SIDT1: variants seen among roughly 807,000 people sequenced by gnomAD.
SIDT1 encodes SID1 transmembrane family, member 1.
SIDT1 carries 101 observed loss-of-function variants against 107.5 expected under a neutral mutation model. The ratio of observed to expected loss-of-function variants is 0.94; its 90% CI spans 0.80 to 1.11. The LOEUF is 1.11. Among genes scored for constraint, SIDT1 ranks in the 50% least tolerant of loss-of-function variants. The pLI, the probability that SIDT1 is intolerant of heterozygous loss-of-function variation, is 0.00. For synonymous variants in SIDT1, 395 were observed against 398.2 expected, an observed-to-expected ratio of 0.99 and a Z score of 0.10; for missense variants, 1,076 against 1,058.2, an observed-to-expected ratio of 1.02 and a Z score of -0.23.
chr3:113,539,483 C>G (rs1027666914), intron 1 of SIDT1, among the ~76,000 whole-genome samples: 2 of 151,258 alleles, frequency 1.3e-5, no homozygotes, highest in Non-Finnish European at 2.9e-5. Context: ...AGTCTGGGAA[C>G]TAGGGGTCCT....
intron 1 of SIDT1, among the ~76,000 whole-genome samples, chr3:113,549,294 A>C (rs1415933115): frequency 6.6e-6 from 1 of 152,202 alleles, no homozygotes; most frequent in Non-Finnish European, 1.5e-5. Flanking sequence ...TGGAGTATAT[A>C]GTAAGACTAT....
chr3:113,611,001 T>A lies in SIDT1; in HGVS notation c.1721-7T>A. The A allele has an allele frequency of 1.9e-6, 3 of 1,612,948 alleles. No individual in the cohort carries two copies. The highest frequency in any genetic ancestry group is 2.5e-6 in the Non-Finnish European group (3 of 1,179,398). ...CTGATCATCTGGCTCCTCCTTTGGG[T>A]CCTCAGACACCTCCTTCATGTACAT... is the stretch of plus-strand genomic sequence containing the variant. On this transcript the variant is annotated splice_region_variant and splice_polypyrimidine_tract_variant and intron_variant, in intron 17 of 24. Transcript: ENST00000264852.
downstream of SIDT1, chr3:113,632,572 C>T (rs959345430): frequency 5.9e-5 from 9 of 152,164 alleles, no homozygotes; most frequent in Admixed American, 5.9e-4. Flanking sequence ...CCCCTTTATC[C>T]TCTCATCACA....
rs184944734 is a variant in SIDT1, at chr3:113,562,995, G to A, written c.223-3425G>A. 7.2e-5 allele frequency among the ~76,000 whole-genome samples: 11 copies of A among 152,294 alleles called. No individual in the cohort carries two copies. In the East Asian group the frequency reaches 1.5e-3, roughly 21 times the overall value. On this transcript the variant is annotated intron_variant, in intron 1 of 24. Coordinates refer to ENST00000264852, the MANE Select transcript of SIDT1 (RefSeq NM_017699.3). The stretch of plus-strand genomic sequence containing the variant: ...CCACACAGCACACCCGCAAAAGGGA[G>A]GGACACCACTTATTTAGTGGGGTAG...
At chr3:113,540,191 A>G (rs1938652521) in intron 1 of SIDT1, among the ~76,000 whole-genome samples, 1 of 151,870 alleles carries the variant, frequency 6.6e-6, no homozygotes, top group African/African-American at 2.4e-5. Context: ...TGAACAACCA[A>G]CTCTCATTGG....
At chr3:113,564,935 T>C (rs1941765786) in intron 1 of SIDT1, among the ~76,000 whole-genome samples, 1 of 152,194 alleles carries the variant, frequency 6.6e-6, no homozygotes, top group Non-Finnish European at 1.5e-5. Context: ...ATTTTAACAT[T>C]TAAAAAGCAA....
chr3:113,560,893 A>G (rs1365659297), intron 1 of SIDT1, among the ~76,000 whole-genome samples: 1 of 152,180 alleles, frequency 6.6e-6, no homozygotes, highest in Non-Finnish European at 1.5e-5. Flanking sequence ...AAGCTTTAAG[A>G]CCTTTCATAA....
downstream of SIDT1, among the ~76,000 whole-genome samples, chr3:113,631,772 T>C: frequency 6.6e-6 from 1 of 152,222 alleles, no homozygotes; most frequent in East Asian, 1.9e-4. Flanking sequence ...AGGCGGGGCC[T>C]GTTTACACTG....
At chr3:113,607,407 A>C (rs746417046) in intron 15 of SIDT1, among the ~76,000 whole-genome samples, 1 of 152,140 alleles carries the variant, frequency 6.6e-6, no homozygotes, top group Non-Finnish European at 1.5e-5. Flanking sequence ...CTGGCAACCT[A>C]TTGTCTCATT....
intron 24 of SIDT1, among the ~76,000 whole-genome samples, chr3:113,627,011 C>T (rs1198887623): frequency 3.3e-5 from 5 of 152,124 alleles, no homozygotes; most frequent in South Asian, 2.1e-4. Flanking sequence ...ACAGTCCTTA[C>T]GTCTTTTACT....
At chr3:113,626,245 T>G (rs776952725) in intron 24 of SIDT1, 30 bp downstream of exon 24, 1 of 1,439,160 alleles carries the variant, frequency 6.9e-7, no homozygotes, top group African/African-American at 1.4e-5. Flanking sequence ...TTTGTGACTT[T>G]CTTCTCTCTT....
intron 1 of SIDT1, among the ~76,000 whole-genome samples, chr3:113,562,910 G>A (rs1194495221): frequency 6.6e-6 from 1 of 152,176 alleles, no homozygotes; most frequent in East Asian, 1.9e-4. Context: ...AAGTAATAAA[G>A]TTGACTACAT....
intron 9 of SIDT1, among the ~76,000 whole-genome samples, chr3:113,591,417 T>A (rs1360001560): frequency 6.6e-6 from 1 of 152,074 alleles, no homozygotes; most frequent in East Asian, 1.9e-4. Flanking sequence ...CTGGCTTTTT[T>A]ACAGAAATGG....
intron 9 of SIDT1, chr3:113,588,824 A>C (rs35871806): frequency 0.16 from 23,954 of 151,874 alleles, 1,980 homozygotes; most frequent in Non-Finnish European, 0.18. Flanking sequence ...AAAAAAAAAA[A>C]AAAAACTTCA....
chr3:113,597,969 A>C (rs1450124601), intron 10 of SIDT1, among the ~76,000 whole-genome samples: 1 of 152,228 alleles, frequency 6.6e-6, no homozygotes, highest in Non-Finnish European at 1.5e-5. Flanking sequence ...TGGTTTTTGC[A>C]TTCTTAAAAG....
chr3:113,551,440 G>A (rs1359823461), intron 1 of SIDT1, among the ~76,000 whole-genome samples: 1 of 152,214 alleles, frequency 6.6e-6, no homozygotes, highest in Non-Finnish European at 1.5e-5. Context: ...AGCCAGGAAT[G>A]TAACTCAAGT....
chr3:113,557,965 A>G (rs9810754), intron 1 of SIDT1, among the ~76,000 whole-genome samples: 8,987 of 152,276 alleles, frequency 0.059, 473 homozygotes, highest in African/African-American at 0.14. Context: ...ACCTAAAGAG[A>G]GGCAGTTAGT....
intron 3 of SIDT1, among the ~76,000 whole-genome samples, chr3:113,575,677 T>C (rs1942843138): frequency 6.6e-6 from 1 of 152,248 alleles, no homozygotes; most frequent in Non-Finnish European, 1.5e-5. Flanking sequence ...TCATTACCTT[T>C]ATAAATAGTG....
chr3:113,568,551 G>C lies in SIDT1; in HGVS notation c.515+841G>C, dbSNP rs1186922386. Among the ~76,000 whole-genome samples the C allele has an allele frequency of 2.0e-5, 3 of 147,794 alleles. No individual in the cohort carries two copies. In the Admixed American group the frequency reaches 2.0e-4, roughly 10 times the overall value. On this transcript the variant is annotated intron_variant, in intron 3 of 24. Coordinates refer to ENST00000264852, the MANE Select transcript of SIDT1 (RefSeq NM_017699.3). The stretch of plus-strand genomic sequence containing the variant: ...GGAGCTTGCAGTGAGCCGAGATCGC[G>C]CCACTGCACCCCAGCCTGGGCAACA...
Sources: gnomAD v4.1 joint callset for allele counts (sites outside exome capture counted in the v4.1 genomes callset) on GRCh38, gnomAD v4.1.1 for gene constraint, MANE v1.5 for transcripts, NCBI Gene and HGNC (gene_info 2026-07-23, HGNC 2026-07-21) for gene names.